USP32: variants seen among roughly 807,000 people sequenced by gnomAD.
USP32 encodes ubiquitin specific peptidase 32, also known as ubiquitin carboxyl-terminal hydrolase 32.
USP32 carries 59 observed loss-of-function variants against 204.8 expected under a neutral mutation model. The observed-to-expected ratio is 0.29, with a 90% CI of 0.23 to 0.36. The LOEUF (loss-of-function observed/expected upper bound fraction) is 0.36, where lower values mean the gene tolerates loss of function less well. Among genes scored for constraint, USP32 ranks in the 10% least tolerant of loss-of-function variants. The pLI is 1.00. For synonymous variants in USP32, 517 were observed against 678.4 expected, an observed-to-expected ratio of 0.76 and a Z score of 3.70; for missense variants, 1,160 against 1,946.4, an observed-to-expected ratio of 0.60 and a Z score of 7.60.
intron 5 of USP32, among the ~76,000 whole-genome samples, chr17:60,288,302 T>C (rs2087174346): frequency 6.6e-6 from 1 of 151,748 alleles, no homozygotes; most frequent in Non-Finnish European, 1.5e-5. Flanking sequence ...TAGCCAGGCA[T>C]GGTGGCGAGT....
chr17:60,345,670 T>C (rs550928959), intron 1 of USP32, 62 bp from the exon 2 acceptor site: 51 of 1,608,172 alleles, frequency 3.2e-5, no homozygotes, highest in South Asian at 2.8e-4. Flanking sequence ...TCTCATAATT[T>C]TTTTCAACCT....
chr17:60,221,269 T>C (rs2085239690), intron 15 of USP32, among the ~76,000 whole-genome samples: 1 of 152,104 alleles, frequency 6.6e-6, no homozygotes, highest in African/African-American at 2.4e-5. Context: ...GGTGTGTGCC[T>C]GCAGTCTTAG....
At chr17:60,359,252 A>G (rs2089152831) in intron 1 of USP32, among the ~76,000 whole-genome samples, 2 of 152,152 alleles carry the variant, frequency 1.3e-5, no homozygotes, top group Non-Finnish European at 2.9e-5. Flanking sequence ...TCAATGCTTT[A>G]ACTTTAAAAT....
At chr17:60,302,726 G>C (rs1173382391) in intron 2 of USP32, among the ~76,000 whole-genome samples, 1 of 152,128 alleles carries the variant, frequency 6.6e-6, no homozygotes, top group African/African-American at 2.4e-5. Context: ...TCAAACCTGG[G>C]AAAACTTACG....
chr17:60,205,772 A>C, intron 25 of USP32, 114 bp from the exon 26 acceptor site: 5 of 1,114,560 alleles, frequency 4.5e-6, no homozygotes, highest in Non-Finnish European at 6.3e-6. Context: ...CAGGGCAGGG[A>C]GAAATCACAG....
rs181116244 is a variant in USP32, at chr17:60,384,852, A to G, written c.58+7030T>C. The stretch of plus-strand genomic sequence containing the variant: ...GCTGGGCGTGGTGGCTCACGCCTGT[A>G]ATTCCAGCATTTTGGGAGGTGGAGG... On this transcript the variant is annotated intron_variant, in intron 1 of 33. Transcript: ENST00000300896. 5.1e-4 allele frequency among the ~76,000 whole-genome samples: 78 copies of G among 152,106 alleles called. 1 individual carries two copies. The highest frequency in any genetic ancestry group is 1.7e-3 in the African/African-American group (71 of 41,484).
intron 12 of USP32, among the ~76,000 whole-genome samples, chr17:60,229,694 A>C (rs141677707): frequency 8.5e-5 from 13 of 152,378 alleles, no homozygotes; most frequent in Non-Finnish European, 1.6e-4. Flanking sequence ...TAGTTTTGCT[A>C]TAAGTGATCT....
rs963142 is a variant in USP32 at position 60,228,666 on chromosome 17, A to T, written c.1240-2435T>A. ...GATCCCGTCTTTACAAAAAAATATT[A>T]AAAAAAAATAGTGGGGCATGGTGGT... On this transcript the variant is annotated intron_variant, in intron 12 of 33. Transcript: ENST00000300896. Among the ~76,000 whole-genome samples, 1,198 of 150,580 alleles carry T rather than the reference A, an allele frequency of 8.0e-3. 17 individuals are homozygous for T. The highest frequency in any genetic ancestry group is 0.041 in the Middle Eastern group (12 of 290).
intron 16 of USP32, among the ~76,000 whole-genome samples, chr17:60,216,717 T>A (rs1373291178): frequency 2.0e-5 from 3 of 152,178 alleles, no homozygotes; most frequent in South Asian, 2.1e-4. Flanking sequence ...TAAAAGAGCC[T>A]AGTAAACAGC....
At chr17:60,220,690 C>T (rs1480775280) in intron 15 of USP32, among the ~76,000 whole-genome samples, 2 of 151,908 alleles carry the variant, frequency 1.3e-5, no homozygotes, top group South Asian at 2.1e-4. Flanking sequence ...GTCACCCAGG[C>T]TGGAGTGCAG....
chr17:60,405,742 A>G (rs562050579), intron 1 of USP32, among the ~76,000 whole-genome samples: 2 of 152,342 alleles, frequency 1.3e-5, no homozygotes, highest in East Asian at 3.9e-4. Context: ...CTGCCTGGGC[A>G]ACAGAGTGAG....
At position 60,255,298 on chromosome 17, in the gene USP32, C is replaced by CTTTT. The variant is rs747340163; in HGVS notation, c.991-44_991-41dup. 561 of 1,100,852 alleles carry CTTTT rather than the reference C, an allele frequency of 5.1e-4. 5 individuals are homozygous for CTTTT. In the African/African-American group the frequency reaches 7.5e-3, roughly 15 times the overall value. The allele number at this position is 1,100,852 out of a possible 1,614,324, so 68.2% of individuals were successfully genotyped here. A position where few individuals can be genotyped will look rare whatever the true frequency, so the allele number is the denominator to read the frequency against. On this transcript the variant is annotated intron_variant, in intron 9 of 33. Coordinates refer to ENST00000300896, the MANE Select transcript of USP32 (RefSeq NM_032582.4). ...CTCATGTTAGGAACATCTTTTTTTT[C>CTTTT]TTTTTTTTTTTTTTTTTGAGACGGA...
intron 3 of USP32, among the ~76,000 whole-genome samples, chr17:60,298,750 C>T (rs2087500605): frequency 6.6e-6 from 1 of 152,154 alleles, no homozygotes; most frequent in South Asian, 2.1e-4. Context: ...TATTCCAATA[C>T]ATAAAACTGG....
At chr17:60,377,372 A>G (rs996827478) in intron 1 of USP32, among the ~76,000 whole-genome samples, 25 of 152,246 alleles carry the variant, frequency 1.6e-4, no homozygotes, top group African/African-American at 3.4e-4. Context: ...CAAAAGCAGA[A>G]GATTTTAAAA....
At chr17:60,188,761 A>G (rs888375684) in intron 29 of USP32, among the ~76,000 whole-genome samples, 10 of 152,386 alleles carry the variant, frequency 6.6e-5, no homozygotes, top group African/African-American at 2.4e-4. Context: ...AATAAAAAAT[A>G]TAAAGTATAT....
intron 9 of USP32, among the ~76,000 whole-genome samples, chr17:60,261,257 TCA>T (rs1283952723): frequency 6.6e-6 from 1 of 152,120 alleles, no homozygotes; most frequent in Non-Finnish European, 1.5e-5. Context: ...GATAGGAAAA[TCA>T]CAGTGAAATA....
intron 1 of USP32, among the ~76,000 whole-genome samples, chr17:60,348,117 G>C (rs931460776): frequency 4.0e-5 from 6 of 148,460 alleles, no homozygotes; most frequent in African/African-American, 1.2e-4. Flanking sequence ...GCGAGACCCC[G>C]TCTCAAAAAA....
intron 1 of USP32, among the ~76,000 whole-genome samples, chr17:60,366,328 T>C (rs1313911184): frequency 6.6e-6 from 1 of 152,046 alleles, no homozygotes; most frequent in Non-Finnish European, 1.5e-5. Context: ...CCAGCTAATT[T>C]TTGTATTTTC....
At chr17:60,415,408 T>A (rs983223830) in intron 1 of USP32, among the ~76,000 whole-genome samples, 1 of 152,204 alleles carries the variant, frequency 6.6e-6, no homozygotes, top group Non-Finnish European at 1.5e-5. Flanking sequence ...TCACAGTGTC[T>A]CCATTTGAAG....
Sources: gnomAD v4.1 joint callset for allele counts (sites outside exome capture counted in the v4.1 genomes callset) on GRCh38, gnomAD v4.1.1 for gene constraint, MANE v1.5 for transcripts, NCBI Gene and HGNC (gene_info 2026-07-23, HGNC 2026-07-21) for gene names.